The following OPA1 variants were observed in gnomAD, a reference collection of about 807,000 sequenced individuals.
OPA1 encodes dynamin-like GTPase OPA1, mitochondrial.
Under a neutral mutation model 152.9 loss-of-function variants are expected in OPA1, and 59 were observed. The observed-to-expected ratio is 0.39, with a 90% CI of 0.31 to 0.48. OPA1 has a LOEUF of 0.48. Ranked by LOEUF, OPA1 falls within the 20% of genes least tolerant of loss-of-function variation. The pLI, the probability that OPA1 is intolerant of heterozygous loss-of-function variation, is 0.96. For synonymous variants in OPA1, 400 were observed against 389.9 expected, an observed-to-expected ratio of 1.03 and a Z score of -0.31; for missense variants, 1,008 against 1,216.8, an observed-to-expected ratio of 0.83 and a Z score of 2.55.
At chr3:193,675,312 ATTTTTT>A (rs535999762) in intron 29 of OPA1, among the ~76,000 whole-genome samples, 34 of 120,664 alleles carry the variant, frequency 2.8e-4, no homozygotes, top group African/African-American at 1.1e-3. Flanking sequence ...TTCAGAGGAG[ATTTTTT>A]TTTTTTAAGA....
At chr3:193,631,779 T>TAAGGTTCTATCATTAC in intron 8 of OPA1, 114 bp downstream of exon 8, 2 of 833,844 alleles carry the variant, frequency 2.4e-6, no homozygotes, top group Non-Finnish European at 4.1e-6. Context: ...GGTGTAATGA[T>TAAGGTTCTATCATTAC]AGAACCTTAT....
chr3:193,668,461 C>T, intron 29 of OPA1: 2 of 1,550,656 alleles, frequency 1.3e-6, no homozygotes, highest in Non-Finnish European at 1.7e-6. Flanking sequence ...TTTTACTGAG[C>T]TCTGCTCTGA....
At chr3:193,647,290 T>G in intron 19 of OPA1, 110 bp downstream of exon 19, 1 of 724,240 alleles carries the variant, frequency 1.4e-6, no homozygotes, top group Non-Finnish European at 2.5e-6. Flanking sequence ...GCTTGGTAGT[T>G]CATTTACAAT....
chr3:193,668,370 C>T lies in OPA1; in HGVS notation c.2983+1090C>T, dbSNP rs140403973. ...CACTACACACCAGGCCACCACATGG[C>T]GCCGCACCCAGCATTGACACTTCTT... On this transcript the variant is annotated intron_variant, in intron 29 of 30. Coordinates refer to ENST00000361510, the MANE Select transcript of OPA1 (RefSeq NM_130837.3). 3,494 of 1,551,418 alleles carry T rather than the reference C, an allele frequency of 2.3e-3. 4 individuals are homozygous for T. The highest frequency in any genetic ancestry group is 2.8e-3 in the Non-Finnish European group (3,213 of 1,147,100).
chr3:193,628,444 A>G (rs1219067657), intron 7 of OPA1: 2 of 152,204 alleles, frequency 1.3e-5, no homozygotes, highest in Non-Finnish European at 2.9e-5. Flanking sequence ...ATAGGAAGAA[A>G]TACTTGAAAT....
chr3:193,676,283 A>G (rs77352427), intron 29 of OPA1, among the ~76,000 whole-genome samples: 2,188 of 152,170 alleles, frequency 0.014, 51 homozygotes, highest in African/African-American at 0.049. Context: ...TATTTGTTTT[A>G]TGGTAGCAAT....
At chr3:193,685,512 A>G (rs1276212713) in intron 29 of OPA1, among the ~76,000 whole-genome samples, 3 of 152,194 alleles carry the variant, frequency 2.0e-5, no homozygotes, top group African/African-American at 7.2e-5. Flanking sequence ...TGAATGCATG[A>G]ATATTCATGG....
intron 1 of OPA1, among the ~76,000 whole-genome samples, chr3:193,595,091 T>A (rs1414778495): frequency 2.0e-5 from 3 of 152,220 alleles, no homozygotes; most frequent in African/African-American, 7.2e-5. Flanking sequence ...AGTCATGGCT[T>A]AAAAATGTCT....
chr3:193,621,696 A>G (rs1402900012), intron 6 of OPA1, among the ~76,000 whole-genome samples: 1 of 152,192 alleles, frequency 6.6e-6, no homozygotes, highest in African/African-American at 2.4e-5. Flanking sequence ...ATACATTAAA[A>G]CCACCTCTTA....
Position 193,658,531 on chromosome 3 carries a change from A to T in OPA1, c.2332-356A>T, listed in dbSNP as rs1432569839. On this transcript the variant is annotated intron_variant, in intron 23 of 30. Coordinates refer to ENST00000361510, the MANE Select transcript of OPA1 (RefSeq NM_130837.3). ...TAGGTCACATGGCAAAAAGCGATGAACATGATCTGAATTATTAAACCCTGA... is the reference window on the plus strand; with the variant it reads ...TAGGTCACATGGCAAAAAGCGATGATCATGATCTGAATTATTAAACCCTGA... 1.1e-4 allele frequency among the ~76,000 whole-genome samples: 17 copies of T among 152,322 alleles called. No individual in the cohort carries two copies. The East Asian group carries it at 3.1e-3, about 28-fold the overall frequency.
At chr3:193,641,266 G>A (rs545449200) in intron 11 of OPA1, among the ~76,000 whole-genome samples, 5 of 152,184 alleles carry the variant, frequency 3.3e-5, no homozygotes, top group East Asian at 1.9e-4. Flanking sequence ...GTCTCTTTCC[G>A]GTTTGTCATT....
chr3:193,611,267 A>G (rs1197769150), intron 1 of OPA1, among the ~76,000 whole-genome samples: 1 of 152,150 alleles, frequency 6.6e-6, no homozygotes, highest in Admixed American at 6.5e-5. Context: ...TAAGCTTATT[A>G]GCCTTTTGAG....
At chr3:193,647,692 A>T (rs1377791593) in intron 19 of OPA1, among the ~76,000 whole-genome samples, 1 of 152,178 alleles carries the variant, frequency 6.6e-6, no homozygotes, top group East Asian at 1.9e-4. Flanking sequence ...TCCATTTTAC[A>T]GAAGAGGAAA....
At chr3:193,606,866 A>T (rs1353390933) in intron 1 of OPA1, among the ~76,000 whole-genome samples, 2 of 152,206 alleles carry the variant, frequency 1.3e-5, no homozygotes, top group African/African-American at 4.8e-5. Flanking sequence ...TGGTTGAACT[A>T]GTTTACAGTC....
intron 11 of OPA1, 65 bp downstream of exon 11, chr3:193,638,130 A>G: frequency 9.0e-7 from 1 of 1,116,444 alleles, no homozygotes; most frequent in Non-Finnish European, 1.4e-6. Flanking sequence ...AGACCTGTTC[A>G]TTGTGTTGAA....
In OPA1 at chr3:193,647,083, A is replaced by C. The variant is rs78767626; in HGVS notation, c.1773A>C (p.Ala591=). Residue 591 remains alanine, a synonymous_variant, in exon 19 of 31, where the codon GCA becomes GCC. Coordinates refer to ENST00000361510, the MANE Select transcript of OPA1 (RefSeq NM_130837.3). ...SKLLKTSMLK[A]HQVTTRNLSL... ...TTAATAGGACAAGCATGCTAAAGGC[A>C]CACCAAGTGACTACAAGAAATTTAA... 46,481 of 1,611,292 alleles carry C rather than the reference A, an allele frequency of 0.029. 780 individuals carry two copies. The highest frequency in any genetic ancestry group is 0.039 in the African/African-American group (2,946 of 74,962).
At position 193,644,094 on chromosome 3, in the gene OPA1, A is replaced by G. The variant is rs778928726; in HGVS notation, c.1597A>G (p.Ser533Gly). 9 of 1,613,750 alleles carry G rather than the reference A, an allele frequency of 5.6e-6. No homozygotes were observed. Among genetic ancestry groups the G allele is most frequent in the Non-Finnish European group, 7.6e-6 (9 of 1,179,742 alleles). Reference protein sequence around the residue: ...KVDLAEKNVASPSRIQQIIEG... With the variant: ...KVDLAEKNVAGPSRIQQIIEG... ...AGACCTGGCAGAGAAAAATGTAGCC[A>G]GTCCAAGCAGGGTGAGGTCAAATTC... The change falls in exon 16 of 31, where the codon AGT becomes GGT. Residue 533 changes from serine to glycine, a missense_variant. This residue lies in a region of OPA1 where 213 missense variants were observed against 291.4 expected (regional missense o/e 0.73). Coordinates refer to ENST00000361510, the MANE Select transcript of OPA1 (RefSeq NM_130837.3).
intron 21 of OPA1, among the ~76,000 whole-genome samples, chr3:193,654,562 C>A (rs1261174703): frequency 1.3e-5 from 2 of 151,370 alleles, no homozygotes; most frequent in African/African-American, 4.9e-5. Context: ...AATAATTATG[C>A]TGGAGTGGAA....
intron 11 of OPA1, among the ~76,000 whole-genome samples, chr3:193,640,237 G>A (rs1403012435): frequency 2.6e-5 from 4 of 152,130 alleles, no homozygotes; most frequent in Non-Finnish European, 4.4e-5. Flanking sequence ...AAACACAGAA[G>A]CAAGCAGTAT....
Sources: allele counts gnomAD v4.1 joint callset (sites outside exome capture counted in the v4.1 genomes callset), GRCh38; gene constraint gnomAD v4.1.1; regional missense constraint gnomAD v4.1.1; transcripts MANE v1.5; gene names NCBI Gene and HGNC (gene_info 2026-07-23, HGNC 2026-07-21).